Variants in RSPH4A observed in about 807,000 individuals in gnomAD.
RSPH4A encodes the protein radial spoke head protein 4 homolog A.
RSPH4A carries 47 observed loss-of-function variants against 71.0 expected under a neutral mutation model. The ratio of observed to expected loss-of-function variants is 0.66; its 90% CI spans 0.52 to 0.84. RSPH4A has a LOEUF of 0.84. RSPH4A is among the 40% of genes least tolerant of loss of function. The pLI is 0.00. For synonymous variants in RSPH4A, 282 were observed against 302.3 expected (o/e 0.93, Z 0.70); for missense variants, 793 against 855.2 (o/e 0.93, Z 0.91).
chr6:116,617,223 T>C lies in RSPH4A; in HGVS notation c.600T>C (p.Ser200=). The C allele has an allele frequency of 6.2e-7, 1 of 1,614,060 alleles. No individual in the cohort carries two copies. The highest frequency in any genetic ancestry group is 8.5e-7 in the Non-Finnish European group (1 of 1,179,908). Reference sequence around the variant, plus strand: ...TACAGCAGCCGGCGCCTGGGGGCTCTGAAGTGGCCCCCAGCATGCTTGAGA... The same window carrying C: ...TACAGCAGCCGGCGCCTGGGGGCTCCGAAGTGGCCCCCAGCATGCTTGAGA... ...YDLQQPAPGG[S]EVAPSMLEIT... Residue 200 remains serine (S), a synonymous_variant, in exon 1 of 6, where the codon TCT becomes TCC. Coordinates refer to ENST00000229554, the MANE Select transcript of RSPH4A (RefSeq NM_001010892.3).
intron 5 of RSPH4A, among the ~76,000 whole-genome samples, chr6:116,631,498 C>T (rs1775803614): frequency 6.6e-6 from 1 of 152,054 alleles, no homozygotes; most frequent in Admixed American, 6.5e-5. Flanking sequence ...TCAAACGGCT[C>T]CTGCAGTTTT....
intron 2 of RSPH4A, among the ~76,000 whole-genome samples, chr6:116,626,556 T>C (rs1412046184): frequency 1.3e-5 from 2 of 152,100 alleles, no homozygotes; most frequent in Non-Finnish European, 2.9e-5. Context: ...TTAGCCAGGA[T>C]GGTCTCGATC....
At chr6:116,628,471 C>CAAAT in intron 3 of RSPH4A, 102 bp downstream of exon 3, 7 of 899,908 alleles carry the variant, frequency 7.8e-6, no homozygotes, top group Non-Finnish European at 1.2e-5. Flanking sequence ...CCTTTGGACT[C>CAAAT]TATTTAATAG....
intron 3 of RSPH4A, among the ~76,000 whole-genome samples, 181 bp downstream of exon 3, chr6:116,628,550 A>G (rs1291055543): frequency 6.6e-6 from 1 of 152,296 alleles, no homozygotes; most frequent in African/African-American, 2.4e-5. Context: ...GTGTCTATAT[A>G]ATTGTCTATA....
At chr6:116,622,736 T>C (rs776724053) in intron 1 of RSPH4A, 32 bp from the exon 2 acceptor site, 4 of 1,309,306 alleles carry the variant, frequency 3.1e-6, no homozygotes, top group Non-Finnish European at 3.3e-6. Context: ...TCTTGACATG[T>C]ATATTATCTG....
At chr6:116,624,342 T>G (rs1490169491) in intron 2 of RSPH4A, among the ~76,000 whole-genome samples, 1 of 152,184 alleles carries the variant, frequency 6.6e-6, no homozygotes, top group African/African-American at 2.4e-5. Context: ...CATATGGAGA[T>G]GAGGCAGATA....
intron 1 of RSPH4A, among the ~76,000 whole-genome samples, chr6:116,619,121 A>G (rs147689870): frequency 1.3e-5 from 2 of 152,358 alleles, no homozygotes; most frequent in African/African-American, 2.4e-5. Flanking sequence ...GTGTTCAGCT[A>G]TCAGATGCTC....
chr6:116,624,854 C>T (rs1253207543), intron 2 of RSPH4A, among the ~76,000 whole-genome samples: 2 of 152,170 alleles, frequency 1.3e-5, no homozygotes, highest in Non-Finnish European at 2.9e-5. Flanking sequence ...GGGAAAAAGG[C>T]TTTTCTGACT....
At chr6:116,630,392 T>C (rs1775774484) in intron 4 of RSPH4A, 43 bp from the exon 5 acceptor site, 2 of 991,094 alleles carry the variant, frequency 2.0e-6, no homozygotes, top group East Asian at 4.8e-5. Flanking sequence ...TAGATTCTTG[T>C]CTAGTTAGGA....
At chr6:116,622,084 A>G (rs1026594678) in intron 1 of RSPH4A, among the ~76,000 whole-genome samples, 34 of 152,350 alleles carry the variant, frequency 2.2e-4, no homozygotes, top group African/African-American at 7.5e-4. Context: ...ATTAGAGTGT[A>G]TCACATTTCA....
At chr6:116,623,028 A>AAT (rs1285468390) in intron 2 of RSPH4A, 26 bp downstream of exon 2, 1 of 1,345,248 alleles carries the variant, frequency 7.4e-7, no homozygotes, top group Non-Finnish European at 1.1e-6. Context: ...AAATTTTAAT[A>AAT]ATAAACCTTA....
chr6:116,624,234 AG>A (rs767222144), intron 2 of RSPH4A, among the ~76,000 whole-genome samples: 14 of 152,348 alleles, frequency 9.2e-5, no homozygotes, highest in Admixed American at 5.9e-4. Flanking sequence ...CAGAAGGAAC[AG>A]GTGATAGGTG....
chr6:116,618,754 G>A (rs955428409), intron 1 of RSPH4A, among the ~76,000 whole-genome samples: 6 of 152,224 alleles, frequency 3.9e-5, no homozygotes, highest in Non-Finnish European at 7.3e-5. Flanking sequence ...CACTTCTGCA[G>A]TGGGCACCAA....
At chr6:116,626,345 TTTTTTC>T (rs373301262) in intron 2 of RSPH4A, among the ~76,000 whole-genome samples, 135 of 152,262 alleles carry the variant, frequency 8.9e-4, no homozygotes, top group African/African-American at 1.9e-3. Context: ...ATGTGTTTCT[TTTTTTC>T]TTTTTCTTTT....
At chr6:116,620,851 A>C (rs367821235) in intron 1 of RSPH4A, among the ~76,000 whole-genome samples, 1 of 152,008 alleles carries the variant, frequency 6.6e-6, no homozygotes, top group African/African-American at 2.4e-5. Flanking sequence ...AGTCTTCTCC[A>C]TGAGTTTTCT....
chr6:116,616,711 G>A lies in RSPH4A; in HGVS notation c.88G>A (p.Ala30Thr). ...TRRPWEGKTA[A>T]SPQYSEPESS... is the part of the protein sequence containing the mutation. ...GCGGCCATGGGAAGGAAAGACAGCA[G>A]CTTCTCCCCAATATTCTGAGCCTGA... The change falls in exon 1 of 6, where the codon GCT becomes ACT. Residue 30 changes from alanine to threonine, a missense_variant. By Grantham distance (58) the Ala-to-Thr change is moderately conservative. Coordinates refer to ENST00000229554, the MANE Select transcript of RSPH4A (RefSeq NM_001010892.3). The A allele has an allele frequency of 6.2e-7, 1 of 1,614,184 alleles. No individual in the cohort carries two copies. The highest frequency in any genetic ancestry group is 8.5e-7 in the Non-Finnish European group (1 of 1,180,020).
chr6:116,624,843 T>G (rs1281176671), intron 2 of RSPH4A, among the ~76,000 whole-genome samples: 4 of 152,142 alleles, frequency 2.6e-5, no homozygotes, highest in Non-Finnish European at 5.9e-5. Flanking sequence ...GAGATATACA[T>G]GGGAAAAAGG....
chr6:116,624,527 T>G (rs560399012), intron 2 of RSPH4A, among the ~76,000 whole-genome samples: 44 of 152,238 alleles, frequency 2.9e-4, no homozygotes, highest in African/African-American at 1.0e-3. Flanking sequence ...TTAACTAGAT[T>G]CCATACATCT....
intron 1 of RSPH4A, among the ~76,000 whole-genome samples, chr6:116,619,010 T>G (rs1775557678): frequency 6.6e-6 from 1 of 152,238 alleles, no homozygotes; most frequent in Non-Finnish European, 1.5e-5. Context: ...TACTGGTTTA[T>G]TATAAAGGAT....
Sources: allele counts gnomAD v4.1 joint callset (sites outside exome capture counted in the v4.1 genomes callset), GRCh38; gene constraint gnomAD v4.1.1; transcripts MANE v1.5; gene names NCBI Gene and HGNC (gene_info 2026-07-23, HGNC 2026-07-21).